Variants in TCEA3 observed in about 807,000 individuals in gnomAD.
The protein encoded by TCEA3 is transcription elongation factor A protein 3.
TCEA3 carries 36 observed loss-of-function variants against 44.0 expected under a neutral mutation model. The ratio of observed to expected loss-of-function variants is 0.82; its 90% CI spans 0.63 to 1.08. TCEA3 has a LOEUF of 1.08. Among genes scored for constraint, TCEA3 ranks in the 50% least tolerant of loss-of-function variants. The pLI, the probability that TCEA3 is intolerant of heterozygous loss-of-function variation, is 0.00. For missense variants in TCEA3, 392 were observed against 441.2 expected (o/e 0.89, Z 1.00); for synonymous variants, 162 against 159.7 (o/e 1.01, Z -0.11).
intron 4 of TCEA3, among the ~76,000 whole-genome samples, chr1:23,416,532 C>A (rs1639893928): frequency 6.6e-6 from 1 of 152,032 alleles, no homozygotes; most frequent in African/African-American, 2.4e-5. Flanking sequence ...TGCTCTGTTG[C>A]TCAGGCTGGA....
At chr1:23,404,195 A>G in intron 5 of TCEA3, 2 of 702,214 alleles carry the variant, frequency 2.8e-6, no homozygotes, top group Non-Finnish European at 5.2e-6. Context: ...AGCCAGGTAA[A>G]AGGACAACTG....
chr1:23,388,530 C>T (rs1009759359), intron 8 of TCEA3, among the ~76,000 whole-genome samples: 3 of 152,072 alleles, frequency 2.0e-5, no homozygotes, highest in African/African-American at 4.8e-5. Context: ...GTCCTGAGTC[C>T]TTAAACCATG....
chr1:23,397,149 G>A (rs932744774), intron 7 of TCEA3, among the ~76,000 whole-genome samples: 3 of 152,086 alleles, frequency 2.0e-5, no homozygotes, highest in African/African-American at 7.2e-5. Context: ...CTATTACACA[G>A]CCTAGCTGGC....
At chr1:23,391,192 A>C (rs1639017387) in intron 8 of TCEA3, among the ~76,000 whole-genome samples, 1 of 134,176 alleles carries the variant, frequency 7.5e-6, no homozygotes, top group East Asian at 2.1e-4. Context: ...AGCTCACTGC[A>C]ACCTCTGCCT....
intron 5 of TCEA3, chr1:23,403,921 C>A: frequency 1.8e-6 from 1 of 558,560 alleles, no homozygotes; most frequent in Non-Finnish European, 3.2e-6. Flanking sequence ...CAGCCACACT[C>A]ATTTTGCTTT....
intron 5 of TCEA3, chr1:23,403,790 G>A (rs1224011767): frequency 5.3e-6 from 2 of 380,312 alleles, no homozygotes; most frequent in Admixed American, 3.8e-5. Flanking sequence ...ACCTGAGCAA[G>A]ACTAGGCTGT....
intron 7 of TCEA3, among the ~76,000 whole-genome samples, chr1:23,395,783 A>G (rs1049216053): frequency 6.0e-5 from 9 of 151,024 alleles, no homozygotes; most frequent in Non-Finnish European, 4.4e-5. Flanking sequence ...AGCTGAGATC[A>G]TGCCACTGCA....
At chr1:23,408,269 C>T (rs1293407288) in intron 5 of TCEA3, among the ~76,000 whole-genome samples, 2 of 152,258 alleles carry the variant, frequency 1.3e-5, no homozygotes, top group East Asian at 1.9e-4. Context: ...GCCTAGGTAT[C>T]GGCTTTCAAG....
intron 7 of TCEA3, among the ~76,000 whole-genome samples, chr1:23,395,614 T>C (rs1193905425): frequency 6.6e-6 from 1 of 151,998 alleles, no homozygotes; most frequent in Admixed American, 6.6e-5. Flanking sequence ...TCACCTGAGG[T>C]CAGGAGTTCA....
chr1:23,422,365 T>C (rs1304770825), intron 1 of TCEA3, among the ~76,000 whole-genome samples: 1 of 152,210 alleles, frequency 6.6e-6, no homozygotes, highest in Non-Finnish European at 1.5e-5. Context: ...TATAGCTATG[T>C]GTGTGTATGT....
intron 5 of TCEA3, chr1:23,408,412 G>A: frequency 2.4e-6 from 1 of 408,458 alleles, no homozygotes; most frequent in Non-Finnish European, 4.4e-6. Context: ...TAAATGGATG[G>A]ATGAATGAAT....
At chr1:23,424,469 C>T in intron 1 of TCEA3, 96 bp downstream of exon 1, 5 of 1,159,250 alleles carry the variant, frequency 4.3e-6, no homozygotes, top group Admixed American at 1.9e-5. Context: ...CGTACGCGCC[C>T]CCATGGCGCC....
At chr1:23,386,426 T>C (rs1042406888) in intron 9 of TCEA3, among the ~76,000 whole-genome samples, 5 of 152,020 alleles carry the variant, frequency 3.3e-5, no homozygotes, top group Non-Finnish European at 7.4e-5. Flanking sequence ...TTAGCAGAGA[T>C]GACGTTTCAC....
intron 7 of TCEA3, 63 bp downstream of exon 7, chr1:23,397,482 C>T (rs534212270): frequency 1.4e-4 from 218 of 1,516,420 alleles, no homozygotes; most frequent in African/African-American, 4.4e-4. Context: ...AGCTCGCTTG[C>T]ACCTTGGATG....
Position 23,401,547 on chromosome 1 carries a change from G to A in TCEA3, c.444-3592C>T, listed in dbSNP as rs770741116. Among the ~76,000 whole-genome samples the A allele has an allele frequency of 1.8e-4, 27 of 152,168 alleles. 1 individual carries two copies. The highest frequency in any genetic ancestry group is 5.2e-4 in the Admixed American group (8 of 15,278). On this transcript the variant is annotated intron_variant, in intron 5 of 10. Coordinates refer to ENST00000450454, the MANE Select transcript of TCEA3 (RefSeq NM_003196.3). The stretch of plus-strand genomic sequence containing the variant: ...GAAAGGCTGGACAGGGCGTGAACTC[G>A]CGGGGCTGTTGGCATCCAAAACGGA...
intron 4 of TCEA3, among the ~76,000 whole-genome samples, chr1:23,415,845 C>T (rs1021022047): frequency 6.6e-6 from 1 of 152,122 alleles, no homozygotes; most frequent in Non-Finnish European, 1.5e-5. Context: ...ATTTCACAGG[C>T]ATTACCTTTT....
At chr1:23,418,728 T>C (rs1234647538) in intron 2 of TCEA3, among the ~76,000 whole-genome samples, 1 of 152,104 alleles carries the variant, frequency 6.6e-6, no homozygotes, top group Non-Finnish European at 1.5e-5. Flanking sequence ...CTGGGGACTT[T>C]AAGGGCTACA....
At chr1:23,408,516 G>C (rs751623149) in intron 5 of TCEA3, 148 bp downstream of exon 5, 5 of 758,488 alleles carry the variant, frequency 6.6e-6, no homozygotes, top group Non-Finnish European at 1.1e-5. Context: ...TGGAAAGACT[G>C]TGTGGGTCTT....
At chr1:23,403,151 G>A (rs1291775760) in intron 5 of TCEA3, among the ~76,000 whole-genome samples, 2 of 152,390 alleles carry the variant, frequency 1.3e-5, no homozygotes, top group East Asian at 1.9e-4. Flanking sequence ...CTCACCACAG[G>A]AAAACTGTCA....
Sources: gnomAD v4.1 joint callset for allele counts (sites outside exome capture counted in the v4.1 genomes callset) on GRCh38, gnomAD v4.1.1 for gene constraint, MANE v1.5 for transcripts, NCBI Gene and HGNC (gene_info 2026-07-23, HGNC 2026-07-21) for gene names.